Variants in YAF2 observed in about 807,000 individuals in gnomAD.
YAF2 encodes the protein YY1 associated factor 2, also known as YY1-associated factor 2.
Under a neutral mutation model 20.1 loss-of-function variants are expected in YAF2, and 7 were observed. The observed-to-expected ratio is 0.35, with a 90% CI of 0.20 to 0.65. YAF2 has a LOEUF of 0.65. Among genes scored for constraint, YAF2 ranks in the 30% least tolerant of loss-of-function variants. The pLI is 0.69. For missense variants in YAF2, 151 were observed against 219.2 expected (o/e 0.69, Z 1.96); for synonymous variants, 74 against 76.0 (o/e 0.97, Z 0.14).
intron 2 of YAF2, among the ~76,000 whole-genome samples, chr12:42,225,176 G>A (rs555161430): frequency 1.1e-4 from 17 of 152,330 alleles, no homozygotes; most frequent in African/African-American, 4.8e-5. Flanking sequence ...CTTTTGAGAA[G>A]TGTCTGTTCA....
chr12:42,167,395 G>C (rs1326647644), intron 2 of YAF2, among the ~76,000 whole-genome samples: 1 of 152,114 alleles, frequency 6.6e-6, no homozygotes, highest in Non-Finnish European at 1.5e-5. Context: ...CGTTATATAT[G>C]ACAGAAATAT....
intron 2 of YAF2, among the ~76,000 whole-genome samples, chr12:42,164,471 A>G (rs1242450234): frequency 6.6e-6 from 1 of 152,142 alleles, no homozygotes; most frequent in Non-Finnish European, 1.5e-5. Context: ...GAGGAATAAT[A>G]TTTTCAGCTT....
intron 2 of YAF2, among the ~76,000 whole-genome samples, chr12:42,227,838 G>T (rs1214880784): frequency 6.9e-6 from 1 of 144,024 alleles, no homozygotes; most frequent in Non-Finnish European, 1.5e-5. Context: ...CCGTCCGGGA[G>T]GGAGGTGGGG....
intron 2 of YAF2, among the ~76,000 whole-genome samples, chr12:42,230,322 T>C (rs1315177512): frequency 2.0e-5 from 3 of 151,852 alleles, no homozygotes; most frequent in Non-Finnish European, 4.4e-5. Context: ...AAAAGTACCA[T>C]ATGATAAAAA....
In YAF2 at chr12:42,173,818, C is replaced by T. The variant is rs371102069; in HGVS notation, c.153-12053G>A. On this transcript the variant is annotated intron_variant, in intron 2 of 3. Transcript: ENST00000534854. ...AGCACTGAACAAAACTTGCTTTTATCATGTGCTATTTTATCAAGGGGGTGA... is the reference window on the plus strand; with the variant it reads ...AGCACTGAACAAAACTTGCTTTTATTATGTGCTATTTTATCAAGGGGGTGA... Among the ~76,000 whole-genome samples the T allele has an allele frequency of 2.0e-5, 3 of 152,292 alleles. No homozygotes were observed. The East Asian group carries it at 5.8e-4, about 29-fold the overall frequency.
intron 2 of YAF2, among the ~76,000 whole-genome samples, chr12:42,219,708 C>T (rs2067459164): frequency 1.3e-5 from 2 of 152,280 alleles, no homozygotes; most frequent in South Asian, 4.1e-4. Context: ...CACACCCCGT[C>T]CACCTCATTA....
At chr12:42,178,863 T>C (rs2066265649) in intron 2 of YAF2, among the ~76,000 whole-genome samples, 1 of 151,994 alleles carries the variant, frequency 6.6e-6, no homozygotes, top group Admixed American at 6.6e-5. Flanking sequence ...CCTGGCGACA[T>C]ATTGGAATCA....
At chr12:42,186,575 G>T (rs2066479676) in intron 2 of YAF2, among the ~76,000 whole-genome samples, 1 of 151,948 alleles carries the variant, frequency 6.6e-6, no homozygotes. Flanking sequence ...TACTTGGAAG[G>T]CTGTGAAAGG....
At chr12:42,211,554 T>C (rs1056867527) in intron 2 of YAF2, among the ~76,000 whole-genome samples, 1 of 150,054 alleles carries the variant, frequency 6.7e-6, no homozygotes, top group African/African-American at 2.5e-5. Flanking sequence ...CTGACCAACA[T>C]GGTAAAACCC....
intron 2 of YAF2, chr12:42,235,846 T>G: frequency 6.5e-7 from 1 of 1,536,110 alleles, no homozygotes. Flanking sequence ...CCAACTCCCC[T>G]GTGTACTATA....
chr12:42,224,382 CT>C lies in YAF2; in HGVS notation c.152+13216del, dbSNP rs202195796. On this transcript the variant is annotated intron_variant, in intron 2 of 3. Coordinates refer to ENST00000534854, the MANE Select transcript of YAF2 (RefSeq NM_005748.6). ...TTTAGGTGAAGAATACAATATATTT[CT>C]TTTTTTTATTATACTTTAAATTCTG... Among the ~76,000 whole-genome samples, 5 of 152,016 alleles carry C rather than the reference CT, an allele frequency of 3.3e-5. No individual in the cohort carries two copies. In the East Asian group the frequency reaches 5.8e-4, roughly 18 times the overall value.
intron 2 of YAF2, among the ~76,000 whole-genome samples, chr12:42,171,799 C>A (rs372585161): frequency 1.0e-4 from 15 of 142,956 alleles, no homozygotes; most frequent in Admixed American, 7.0e-5. Flanking sequence ...ACAGAAAATA[C>A]AAAAAAAAAA....
rs941464937 is a variant in YAF2, at chr12:42,157,314, C to G, written c.*3275G>C. The G allele has an allele frequency of 6.6e-6, 1 of 152,216 alleles. No homozygotes were observed. The highest frequency in any genetic ancestry group is 1.5e-5 in the Non-Finnish European group (1 of 68,058). 9.4% of individuals were successfully genotyped at this position (152,216 alleles called of 1,614,324 possible). A position where few individuals can be genotyped will look rare whatever the true frequency, so the allele number is the denominator to read the frequency against. On this transcript the variant is annotated 3_prime_UTR_variant, in exon 4 of 4. Coordinates refer to ENST00000534854, the MANE Select transcript of YAF2 (RefSeq NM_005748.6). ...GAGAATTCATCCATTCCTGCAAGAG[C>G]GAATCCATTCCAGAACTAACTGAGC...
At position 42,186,937 on chromosome 12, in the gene YAF2, C is replaced by T. The variant is rs144881216; in HGVS notation, c.153-25172G>A. 5.4e-3 allele frequency among the ~76,000 whole-genome samples: 815 copies of T among 151,942 alleles called. 5 individuals carry two copies. The highest frequency in any genetic ancestry group is 0.034 in the Middle Eastern group (10 of 292). On this transcript the variant is annotated intron_variant, in intron 2 of 3. Coordinates refer to ENST00000534854, the MANE Select transcript of YAF2 (RefSeq NM_005748.6). ...AAGCCATTGCTTGCCACCAATTCAG[C>T]GAACTATAATTTTAAATTAGCATAG...
At chr12:42,206,386 A>C (rs1224219284) in intron 2 of YAF2, among the ~76,000 whole-genome samples, 2 of 151,934 alleles carry the variant, frequency 1.3e-5, no homozygotes, top group Non-Finnish European at 2.9e-5. Context: ...AGGCGGGCAG[A>C]TCACCTGAGG....
chr12:42,195,082 C>T (rs146621361), intron 2 of YAF2, among the ~76,000 whole-genome samples: 116 of 152,146 alleles, frequency 7.6e-4, no homozygotes, highest in African/African-American at 2.7e-3. Flanking sequence ...GCGTGAGAAA[C>T]AAGAAACATA....
chr12:42,198,071 A>G (rs2066800526), intron 2 of YAF2, among the ~76,000 whole-genome samples: 1 of 152,188 alleles, frequency 6.6e-6, no homozygotes. Flanking sequence ...ATCTAGGGAA[A>G]GCATATCCAA....
At chr12:42,231,028 C>T (rs1013181723) in intron 2 of YAF2, among the ~76,000 whole-genome samples, 6 of 152,110 alleles carry the variant, frequency 3.9e-5, no homozygotes, top group African/African-American at 7.2e-5. Context: ...CATGTAGAAA[C>T]CCAAGCCAAT....
At chr12:42,210,031 C>T (rs1320759393) in intron 2 of YAF2, among the ~76,000 whole-genome samples, 13 of 152,186 alleles carry the variant, frequency 8.5e-5, no homozygotes, top group African/African-American at 2.9e-4. Context: ...CTCCCGACCT[C>T]AGGTGATCCA....
Sources: allele counts gnomAD v4.1 joint callset (sites outside exome capture counted in the v4.1 genomes callset), GRCh38; gene constraint gnomAD v4.1.1; transcripts MANE v1.5; gene names NCBI Gene and HGNC (gene_info 2026-07-23, HGNC 2026-07-21).